The following PPP3CA variants were observed in gnomAD, a reference collection of about 807,000 sequenced individuals.
The protein encoded by PPP3CA is protein phosphatase 3 catalytic subunit alpha.
A neutral mutation model predicts 66.5 loss-of-function variants in PPP3CA; 14 were observed. The observed-to-expected ratio is 0.21, with a 90% CI of 0.14 to 0.33. The LOEUF (loss-of-function observed/expected upper bound fraction) is 0.33, where lower values mean the gene tolerates loss of function less well. Ranked by LOEUF, PPP3CA falls within the 10% of genes least tolerant of loss-of-function variation. The probability of loss-of-function intolerance (pLI) is 1.00; values close to 1 mark genes in which losing one functional copy is unlikely to be tolerated. For synonymous variants in PPP3CA, 232 were observed against 226.2 expected, an observed-to-expected ratio of 1.03 and a Z score of -0.23; for missense variants, 317 against 639.5, an observed-to-expected ratio of 0.50 and a Z score of 5.44.
chr4:101,140,674 A>T (rs1258650979), intron 2 of PPP3CA, among the ~76,000 whole-genome samples: 4 of 152,216 alleles, frequency 2.6e-5, no homozygotes, highest in Non-Finnish European at 5.9e-5. Flanking sequence ...GCAAAAGTCA[A>T]ATGTATCTGT....
chr4:101,131,730 A>G (rs1467634540), intron 2 of PPP3CA, among the ~76,000 whole-genome samples: 1 of 152,190 alleles, frequency 6.6e-6, no homozygotes, highest in African/African-American at 2.4e-5. Flanking sequence ...CAGAACTTGA[A>G]CTCAGCTCTG....
chr4:101,331,267 C>G (rs984131016), intron 1 of PPP3CA, among the ~76,000 whole-genome samples: 2 of 151,996 alleles, frequency 1.3e-5, no homozygotes, highest in Admixed American at 1.3e-4. Context: ...GCATAAGGTA[C>G]TTAAAATGAG....
intron 8 of PPP3CA, among the ~76,000 whole-genome samples, chr4:101,072,357 A>G (rs1304805095): frequency 2.6e-5 from 4 of 152,202 alleles, no homozygotes; most frequent in Non-Finnish European, 2.9e-5. Context: ...ATTTCACACA[A>G]CAAAGCTAAG....
At chr4:101,345,684 A>G (rs1453536103) in intron 1 of PPP3CA, among the ~76,000 whole-genome samples, 1 of 152,188 alleles carries the variant, frequency 6.6e-6, no homozygotes, top group African/African-American at 2.4e-5. Flanking sequence ...GGAGGCCGAT[A>G]GATTCCCGTG....
At chr4:101,229,106 C>A (rs1260177452) in intron 1 of PPP3CA, among the ~76,000 whole-genome samples, 1 of 151,564 alleles carries the variant, frequency 6.6e-6, no homozygotes, top group Non-Finnish European at 1.5e-5. Context: ...TAAATTATAT[C>A]TCTTCAATAG....
Position 101,035,818 on chromosome 4 carries a change from A to G in PPP3CA, c.1242-3454T>C, listed in dbSNP as rs150413488. On this transcript the variant is annotated intron_variant, in intron 11 of 13. Coordinates refer to ENST00000394854, the MANE Select transcript of PPP3CA (RefSeq NM_000944.5). ...CTCTGCTGAATTCTCATTCAAACTG[A>G]TATCTCTGCAGTAATTTCCTCTGAT... Among the ~76,000 whole-genome samples, 464 of 152,262 alleles carry G rather than the reference A, an allele frequency of 3.0e-3. 1 individual carries two copies. The highest frequency in any genetic ancestry group is 0.01 in the African/African-American group (426 of 41,520).
chr4:101,277,697 C>G (rs1156364345), intron 1 of PPP3CA, among the ~76,000 whole-genome samples: 3 of 152,136 alleles, frequency 2.0e-5, no homozygotes, highest in Non-Finnish European at 4.4e-5. Context: ...TGTGCATTGG[C>G]TTTTACATTT....
At chr4:101,311,071 T>C (rs1560711621) in intron 1 of PPP3CA, among the ~76,000 whole-genome samples, 1 of 152,200 alleles carries the variant, frequency 6.6e-6, no homozygotes, top group Non-Finnish European at 1.5e-5. Flanking sequence ...AAAGAAATAG[T>C]GAAGAATCCT....
intron 2 of PPP3CA, among the ~76,000 whole-genome samples, chr4:101,121,675 TA>T (rs1367496900): frequency 3.3e-5 from 5 of 151,930 alleles, no homozygotes; most frequent in Non-Finnish European, 7.4e-5. Context: ...AATGGAGAAT[TA>T]AAAAAAATAG....
chr4:101,324,086 T>A (rs1305552126), intron 1 of PPP3CA, among the ~76,000 whole-genome samples: 1 of 146,348 alleles, frequency 6.8e-6, no homozygotes, highest in East Asian at 2.0e-4. Flanking sequence ...CCAGCCTGGG[T>A]GACAGAGTGA....
At chr4:101,321,884 A>G (rs1729051788) in intron 1 of PPP3CA, among the ~76,000 whole-genome samples, 1 of 152,220 alleles carries the variant, frequency 6.6e-6, no homozygotes, top group Admixed American at 6.5e-5. Flanking sequence ...CAAGCCGACC[A>G]AAAAGGTGGC....
At chr4:101,163,462 C>G (rs182536563) in intron 2 of PPP3CA, among the ~76,000 whole-genome samples, 24 of 152,240 alleles carry the variant, frequency 1.6e-4, no homozygotes, top group African/African-American at 5.5e-4. Flanking sequence ...ATCACAAAAG[C>G]ATGTAGCATA....
At chr4:101,272,530 T>A (rs1391322842) in intron 1 of PPP3CA, among the ~76,000 whole-genome samples, 1 of 152,218 alleles carries the variant, frequency 6.6e-6, no homozygotes, top group African/African-American at 2.4e-5. Flanking sequence ...TACTGATCAT[T>A]TGCATGCTTC....
intron 1 of PPP3CA, among the ~76,000 whole-genome samples, chr4:101,217,406 T>C (rs1283515516): frequency 6.6e-6 from 1 of 152,164 alleles, no homozygotes; most frequent in African/African-American, 2.4e-5. Context: ...TAAACAAAAC[T>C]AGTATTCTAA....
chr4:101,297,411 A>G (rs1728231085), intron 1 of PPP3CA, among the ~76,000 whole-genome samples: 1 of 152,222 alleles, frequency 6.6e-6, no homozygotes. Context: ...TATAGACATC[A>G]TGAACTGGCT....
At chr4:101,290,949 T>C (rs1377584624) in intron 1 of PPP3CA, among the ~76,000 whole-genome samples, 1 of 152,188 alleles carries the variant, frequency 6.6e-6, no homozygotes, top group South Asian at 2.1e-4. Flanking sequence ...AGCTCCACTG[T>C]ATTTTGGTGT....
intron 5 of PPP3CA, among the ~76,000 whole-genome samples, chr4:101,097,561 T>C (rs1730250493): frequency 6.6e-6 from 1 of 152,158 alleles, no homozygotes; most frequent in Non-Finnish European, 1.5e-5. Context: ...AGAAAACATT[T>C]ACATCACTTT....
chr4:101,064,524 C>T (rs1174973240), intron 8 of PPP3CA, among the ~76,000 whole-genome samples: 1 of 151,870 alleles, frequency 6.6e-6, no homozygotes, highest in African/African-American at 2.4e-5. Flanking sequence ...TCTTTTCTTG[C>T]TTATGTTATG....
intron 2 of PPP3CA, among the ~76,000 whole-genome samples, chr4:101,193,272 T>C (rs1267112518): frequency 1.3e-5 from 2 of 152,208 alleles, no homozygotes; most frequent in African/African-American, 4.8e-5. Flanking sequence ...CCAAAATGTG[T>C]TGCCTCACTG....
Sources: allele counts gnomAD v4.1 joint callset (sites outside exome capture counted in the v4.1 genomes callset), GRCh38; gene constraint gnomAD v4.1.1; transcripts MANE v1.5; gene names NCBI Gene and HGNC (gene_info 2026-07-23, HGNC 2026-07-21).